The following MARF1 variants were observed in gnomAD, a reference collection of about 807,000 sequenced individuals.
The protein encoded by MARF1 is meiosis regulator and mRNA stability factor 1, also known as limkain-b1.
A neutral mutation model predicts 168.2 loss-of-function variants in MARF1; 24 were observed. That is an observed-to-expected ratio of 0.14 (90% CI 0.10 to 0.20). The LOEUF is 0.20. MARF1 is among the 10% of genes least tolerant of loss of function. The pLI is 1.00. For synonymous variants in MARF1, 868 were observed against 822.4 expected, an observed-to-expected ratio of 1.06 and a Z score of -0.95; for missense variants, 1,744 against 2,143.6, an observed-to-expected ratio of 0.81 and a Z score of 3.68.
intron 21 of MARF1, among the ~76,000 whole-genome samples, chr16:15,606,471 C>T (rs2033022942): frequency 6.6e-6 from 1 of 152,088 alleles, no homozygotes; most frequent in African/African-American, 2.4e-5. Flanking sequence ...ACATCCTGAT[C>T]AAGCCACTCT....
chr16:15,630,071 A>G (rs1401212065), intron 7 of MARF1, among the ~76,000 whole-genome samples: 3 of 152,256 alleles, frequency 2.0e-5, no homozygotes, highest in Middle Eastern at 3.2e-3. Context: ...CTAGCTTTGA[A>G]GACACTGGCA....
Position 15,596,503 on chromosome 16 carries a change from G to A in MARF1, c.*190C>T. ...AATTGAAAAAAGAAAGAAAAAGGAA[G>A]AAGAAAAGAAAGACTTCAGCTCAAA... On this transcript the variant is annotated 3_prime_UTR_variant, in exon 27 of 27. Transcript: ENST00000396368. The A allele has an allele frequency of 6.7e-6, 3 of 449,742 alleles. No individual in the cohort carries two copies. Among genetic ancestry groups the A allele is most frequent in the Non-Finnish European group, 1.1e-5 (3 of 261,650 alleles). The allele number at this position is 449,742 out of a possible 1,614,324, so 27.9% of individuals were successfully genotyped here.
At chr16:15,636,932 A>G (rs1596507349) in intron 2 of MARF1, among the ~76,000 whole-genome samples, 1 of 152,324 alleles carries the variant, frequency 6.6e-6, no homozygotes, top group South Asian at 2.1e-4. Context: ...CATAATGACA[A>G]TTATATTGCA....
In MARF1 at chr16:15,611,027, G is replaced by A. The variant is rs764995721; in HGVS notation, c.3699C>T (p.Thr1233=). 1 of 1,613,752 alleles carries A rather than the reference G, an allele frequency of 6.2e-7. No individual in the cohort carries two copies. The highest frequency in any genetic ancestry group is 1.7e-5 in the Admixed American group (1 of 60,008). The change falls in exon 19 of 27, where the codon ACC becomes ACT. Residue 1233 remains threonine (T), a synonymous_variant. Coordinates refer to ENST00000396368, the MANE Select transcript of MARF1 (RefSeq NM_014647.4). ...CATTATCTTGTTGGGACAAGCAGATGGTTGTGTCTGGAATCTCTGATACGA... is the reference window on the plus strand; with the variant it reads ...CATTATCTTGTTGGGACAAGCAGATAGTTGTGTCTGGAATCTCTGATACGA... The part of the protein sequence containing the change: ...IDIVSEIPDT[T]ICLSQQDNEM...
At chr16:15,633,119 C>T (rs1386058153) in intron 5 of MARF1, among the ~76,000 whole-genome samples, 1 of 146,576 alleles carries the variant, frequency 6.8e-6, no homozygotes, top group Non-Finnish European at 1.5e-5. Context: ...AAACTTGGCA[C>T]AAATGCAATA....
chr16:15,624,993 TGAGA>T lies in MARF1; in HGVS notation c.2111+19_2111+22del, dbSNP rs765622467. ...TTCCTTCACATTCAAGAAGCAGCTA[TGAGA>T]AAGAGTAGTTTCACATACTTCTGAC... On this transcript the variant is annotated intron_variant, in intron 9 of 26. Coordinates refer to ENST00000396368, the MANE Select transcript of MARF1 (RefSeq NM_014647.4). 1.9e-6 allele frequency: 3 copies of T among 1,613,752 alleles called. No homozygotes were observed. The highest frequency in any genetic ancestry group is 4.5e-5 in the East Asian group (2 of 44,866).
chr16:15,605,095 C>T (rs2151061393), intron 21 of MARF1, among the ~76,000 whole-genome samples: 1 of 152,332 alleles, frequency 6.6e-6, no homozygotes, highest in East Asian at 1.9e-4. Context: ...TGAAGAAACA[C>T]GCATCTGGTG....
intron 22 of MARF1, among the ~76,000 whole-genome samples, chr16:15,603,297 A>T (rs1031533665): frequency 3.9e-5 from 6 of 152,316 alleles, no homozygotes; most frequent in Middle Eastern, 3.4e-3. Context: ...GCTTCGTAAA[A>T]ATAAATGGTA....
At position 15,622,975 on chromosome 16, in the gene MARF1, G is replaced by C. The variant is rs755026877; in HGVS notation, c.2419C>G (p.Leu807Val). The change falls in exon 11 of 27, where the codon CTG (leucine) becomes GTG (valine). Residue 807 changes from leucine to valine, a missense_variant. By Grantham distance (32) the Leu-to-Val change is conservative. Around this residue, in one of 7 missense-constraint regions of MARF1, gnomAD observed 543 missense variants for 742.1 expected, o/e 0.73. Coordinates refer to ENST00000396368, the MANE Select transcript of MARF1 (RefSeq NM_014647.4). ...NIDYRLSRKE[L>V]QQLLQEAFAR... Reference sequence around the variant, plus strand: ...AATGCTTCCTGCAGGAGCTGCTGCAGCTCCTTCCGGGATAATCTGTAGTCT... The same window carrying C: ...AATGCTTCCTGCAGGAGCTGCTGCACCTCCTTCCGGGATAATCTGTAGTCT... 1.9e-6 allele frequency: 3 copies of C among 1,591,818 alleles called. No individual in the cohort carries two copies. The highest frequency in any genetic ancestry group is 2.6e-6 in the Non-Finnish European group (3 of 1,162,474).
At chr16:15,632,638 G>T (rs192226643) in intron 5 of MARF1, among the ~76,000 whole-genome samples, 306 of 152,134 alleles carry the variant, frequency 2.0e-3, no homozygotes, top group Non-Finnish European at 2.9e-3. Flanking sequence ...TCGCATATAA[G>T]TCCCCAAAGG....
intron 1 of MARF1, among the ~76,000 whole-genome samples, chr16:15,641,498 G>A (rs2035957275): frequency 1.3e-5 from 2 of 152,156 alleles, no homozygotes; most frequent in Non-Finnish European, 2.9e-5. Flanking sequence ...AACATTCACA[G>A]TATAATCTAG....
In MARF1 at chr16:15,634,808, C is replaced by T. The variant is rs1212973866; in HGVS notation, c.955G>A (p.Glu319Lys). 1 of 1,613,938 alleles carries T rather than the reference C, an allele frequency of 6.2e-7. No individual in the cohort carries two copies. Among genetic ancestry groups the T allele is most frequent in the Non-Finnish European group, 8.5e-7 (1 of 1,179,928 alleles). The change falls in exon 4 of 27, where the codon GAG (glutamate) becomes AAG (lysine). Residue 319 changes from glutamate (E) to lysine (K), a missense_variant. Coordinates refer to ENST00000396368, the MANE Select transcript of MARF1 (RefSeq NM_014647.4). ...CTGGTCGCCAATAACAACGTGGTCT[C>T]CTTCCCTGTTCCTTTGGTTCCACAG... Reference protein sequence around the residue: ...NGCGTKGTGKETTLLLATSLG... With the variant: ...NGCGTKGTGKKTTLLLATSLG...
chr16:15,624,871 T>C lies in MARF1; in HGVS notation c.2168A>G (p.Lys723Arg). Residue 723 changes from lysine (K) to arginine (R), a missense_variant, in exon 10 of 27, where the codon AAA (lysine) becomes AGA (arginine). By Grantham distance (26) the Lys-to-Arg change is conservative (BLOSUM62 2). Coordinates refer to ENST00000396368, the MANE Select transcript of MARF1 (RefSeq NM_014647.4). The stretch of plus-strand genomic sequence containing the variant: ...ACTCACTTGGAATACAGTCTCCTCT[T>C]TATCTTTTTTCTCTACAGGAGAACT... The part of the protein sequence containing the change: ...VTSSPVEKKD[K>R]EETVFQVSYP... 6.2e-7 allele frequency: 1 copy of C among 1,614,184 alleles called. No individual in the cohort carries two copies. Among genetic ancestry groups the C allele is most frequent in the Non-Finnish European group, 8.5e-7 (1 of 1,180,032 alleles).
rs752724465 is a variant in MARF1, at chr16:15,608,323, C to A, written c.4150G>T (p.Ala1384Ser). 6.2e-7 allele frequency: 1 copy of A among 1,605,624 alleles called. No individual in the cohort carries two copies. Among genetic ancestry groups the A allele is most frequent in the South Asian group, 1.1e-5 (1 of 90,776 alleles). The change falls in exon 21 of 27, where the codon GCT (alanine) becomes TCT (serine). Residue 1384 changes from alanine to serine, a missense_variant. This residue lies in a region of MARF1 where 543 missense variants were observed against 742.1 expected (regional missense o/e 0.73). Transcript: ENST00000396368. ...LQDYDVSSIS[A>S]LTQKLCHVVK... ...ACATGGCAGAGTTTCTGAGTTAAAGCCGAAATGGAACTGACATCATAGTCT... is the reference window on the plus strand; with the variant it reads ...ACATGGCAGAGTTTCTGAGTTAAAGACGAAATGGAACTGACATCATAGTCT...
chr16:15,601,629 G>A (rs989283851), intron 23 of MARF1: 1 of 355,608 alleles, frequency 2.8e-6, no homozygotes, highest in Admixed American at 4.1e-5. Context: ...TGAAGGTTTT[G>A]CAACAGGCTC....
Position 15,596,809 on chromosome 16 carries a change from C to T in MARF1, c.5113G>A (p.Glu1705Lys), listed in dbSNP as rs201906029. The change falls in exon 27 of 27, where the codon GAA becomes AAA. Residue 1705 changes from glutamate to lysine, a missense_variant. Glu to Lys is a moderately conservative substitution (Grantham distance 56, BLOSUM62 1). Around this residue, in one of 7 missense-constraint regions of MARF1, gnomAD observed 313 missense variants for 337.4 expected, o/e 0.93. Transcript: ENST00000396368. ...AVPVPPCPSS[E>K]TSESLLSKDP... ...TTGCTGAGCAGTGACTCGGAGGTTTCCGAGGAGGGGCAGGGAGGCACGGGG... is the reference window on the plus strand; with the variant it reads ...TTGCTGAGCAGTGACTCGGAGGTTTTCGAGGAGGGGCAGGGAGGCACGGGG... 2.4e-4 allele frequency: 382 copies of T among 1,613,914 alleles called. No individual in the cohort carries two copies. The highest frequency in any genetic ancestry group is 3.0e-4 in the Non-Finnish European group (357 of 1,179,966).
At position 15,596,824 on chromosome 16, in the gene MARF1, G is replaced by A; in HGVS notation, c.5098C>T (p.Pro1700Ser). Residue 1700 changes from proline to serine, a missense_variant, in exon 27 of 27, where the codon CCC becomes TCC. This residue lies in a region of MARF1 where 313 missense variants were observed against 337.4 expected (regional missense o/e 0.93). Coordinates refer to ENST00000396368, the MANE Select transcript of MARF1 (RefSeq NM_014647.4). ...SCISAAVPVPPCPSSETSESL... is the reference protein window; with the variant it reads ...SCISAAVPVPSCPSSETSESL... Reference sequence around the variant, plus strand: ...TCGGAGGTTTCCGAGGAGGGGCAGGGAGGCACGGGGACAGCTGCTGAGATG... The same window carrying A: ...TCGGAGGTTTCCGAGGAGGGGCAGGAAGGCACGGGGACAGCTGCTGAGATG... 6.2e-7 allele frequency: 1 copy of A among 1,614,174 alleles called. No individual in the cohort carries two copies. Among genetic ancestry groups the A allele is most frequent in the Non-Finnish European group, 8.5e-7 (1 of 1,180,000 alleles).
Position 15,600,877 on chromosome 16 carries a change from C to G in MARF1, c.4627-176G>C, listed in dbSNP as rs746266192. On this transcript the variant is annotated intron_variant, in intron 23 of 26. Coordinates refer to ENST00000396368, the MANE Select transcript of MARF1 (RefSeq NM_014647.4). ...TAGCTTTTAAAGCAACAGAAGCTGA[C>G]AGAAACATACCCCTATAAAAAGCAG... 4.0e-4 allele frequency: 289 copies of G among 725,126 alleles called. 1 individual carries two copies. The highest frequency in any genetic ancestry group is 6.1e-4 in the Non-Finnish European group (245 of 402,588). The allele number at this position is 725,126 out of a possible 1,614,324, so 44.9% of individuals were successfully genotyped here. A position where few individuals can be genotyped will look rare whatever the true frequency, so the allele number is the denominator to read the frequency against.
rs1290650121 is a variant in MARF1 at position 15,595,114 on chromosome 16, T to C, written c.*1579A>G. On this transcript the variant is annotated 3_prime_UTR_variant, in exon 27 of 27. Transcript: ENST00000396368. ...TTGCATTTCACTTCCTGTAACACTA[T>C]GTCTGTAGAGGAAATGCCTTCAGGA... 1 of 152,666 alleles carries C rather than the reference T, an allele frequency of 6.6e-6. No individual in the cohort carries two copies. The highest frequency in any genetic ancestry group is 1.5e-5 in the Non-Finnish European group (1 of 68,048). 9.5% of individuals were successfully genotyped at this position (152,666 alleles called of 1,614,324 possible).
Sources: gnomAD v4.1 joint callset for allele counts (sites outside exome capture counted in the v4.1 genomes callset) on GRCh38, gnomAD v4.1.1 for gene constraint, gnomAD v4.1.1 regional missense constraint, MANE v1.5 for transcripts, NCBI Gene and HGNC (gene_info 2026-07-23, HGNC 2026-07-21) for gene names.